PHF14: variants seen among roughly 807,000 people sequenced by gnomAD.
PHF14 encodes the protein PHD finger protein 14.
Under a neutral mutation model 117.9 loss-of-function variants are expected in PHF14, and 55 were observed. The observed-to-expected ratio is 0.47, with a 90% confidence interval of 0.38 to 0.58. PHF14 has a LOEUF of 0.58. PHF14 is among the 20% of genes least tolerant of loss of function. PHF14 has a pLI of 0.00. For missense variants in PHF14, 978 were observed against 1,122.2 expected, an observed-to-expected ratio of 0.87 and a Z score of 1.84; for synonymous variants, 409 against 368.6, an observed-to-expected ratio of 1.11 and a Z score of -1.26.
intron 6 of PHF14, 29 bp downstream of exon 6, chr7:11,023,008 GA>G: frequency 7.9e-7 from 1 of 1,267,244 alleles, no homozygotes. Flanking sequence ...TTGATTGCTT[GA>G]AAGAGAAAGG....
At chr7:11,141,893 T>C (rs879384936) in intron 17 of PHF14, among the ~76,000 whole-genome samples, 35 of 151,764 alleles carry the variant, frequency 2.3e-4, no homozygotes, top group Non-Finnish European at 3.4e-4. Flanking sequence ...CAATTGAAAA[T>C]ACTGCTTCTG....
chr7:11,076,453 T>C (rs1376978061), intron 16 of PHF14, among the ~76,000 whole-genome samples: 2 of 152,150 alleles, frequency 1.3e-5, no homozygotes, highest in Non-Finnish European at 2.9e-5. Context: ...CTGTCTGCTT[T>C]TTAACTTTAG....
intron 17 of PHF14, among the ~76,000 whole-genome samples, chr7:11,141,968 A>G (rs2128351293): frequency 6.6e-6 from 1 of 152,160 alleles, no homozygotes; most frequent in East Asian, 1.9e-4. Flanking sequence ...TACCTAGAAA[A>G]TTTCAAATGG....
At chr7:11,154,116 G>A (rs773936002) in intron 17 of PHF14, among the ~76,000 whole-genome samples, 1 of 152,066 alleles carries the variant, frequency 6.6e-6, no homozygotes, top group African/African-American at 2.4e-5. Context: ...ATTTAACCAG[G>A]TTATTTATAT....
intron 16 of PHF14, chr7:11,102,359 T>C: frequency 1.1e-6 from 1 of 933,474 alleles, no homozygotes; most frequent in Middle Eastern, 2.1e-4. Context: ...AGAGTATCTA[T>C]CTCTTTGGAC....
At chr7:11,030,345 T>C (rs1784080287) in intron 7 of PHF14, among the ~76,000 whole-genome samples, 1 of 152,072 alleles carries the variant, frequency 6.6e-6, no homozygotes, top group African/African-American at 2.4e-5. Flanking sequence ...TCTGGAAAAC[T>C]TTGAGCTTTG....
intron 3 of PHF14, among the ~76,000 whole-genome samples, chr7:10,988,171 T>G (rs558518789): frequency 6.6e-6 from 1 of 152,218 alleles, no homozygotes; most frequent in East Asian, 1.9e-4. Context: ...TTTCCCTCTT[T>G]GCGTTACATT....
chr7:11,071,699 A>C (rs1691615007), intron 16 of PHF14, among the ~76,000 whole-genome samples: 1 of 152,198 alleles, frequency 6.6e-6, no homozygotes, highest in African/African-American at 2.4e-5. Context: ...AGCGTCAGGC[A>C]ACCACTGCAA....
At position 11,069,856 on chromosome 7, in the gene PHF14, A is replaced by T. The variant is rs575684339; in HGVS notation, c.2654+7771A>T. 1.7e-3 allele frequency among the ~76,000 whole-genome samples: 248 copies of T among 144,076 alleles called. 3 individuals are homozygous for T. In the Middle Eastern group the frequency reaches 0.02, roughly 12 times the overall value. The allele number at this position is 144,076 out of a possible 152,430, so 94.5% of individuals were successfully genotyped here. A position where few individuals can be genotyped will look rare whatever the true frequency, so the allele number is the denominator to read the frequency against. ...TGCCCAGCTGTTCTATTATTTATTT[A>T]TTTATTTTTTTCTGGTAGAAGTATC... On this transcript the variant is annotated intron_variant, in intron 16 of 17. Transcript: ENST00000634607.
intron 2 of PHF14, among the ~76,000 whole-genome samples, chr7:10,978,167 T>G (rs1244634109): frequency 6.6e-6 from 1 of 152,198 alleles, no homozygotes; most frequent in Non-Finnish European, 1.5e-5. Context: ...AATCTGACTT[T>G]GAATAAGTGG....
intron 4 of PHF14, among the ~76,000 whole-genome samples, chr7:10,999,819 C>A (rs1367155725): frequency 6.6e-6 from 1 of 152,202 alleles, no homozygotes; most frequent in African/African-American, 2.4e-5. Flanking sequence ...CCAATTAAGT[C>A]AACAGGATGT....
chr7:11,003,340 G>C (rs936689839), intron 4 of PHF14, among the ~76,000 whole-genome samples: 38 of 152,254 alleles, frequency 2.5e-4, no homozygotes, highest in Admixed American at 1.2e-3. Context: ...GTGTTTGGGG[G>C]CTTTCATATA....
intron 17 of PHF14, among the ~76,000 whole-genome samples, chr7:11,133,179 T>A (rs1211604493): frequency 6.6e-6 from 1 of 151,940 alleles, no homozygotes; most frequent in Non-Finnish European, 1.5e-5. Context: ...CTCAGCAAGT[T>A]ATTTTGTGGA....
intron 14 of PHF14, among the ~76,000 whole-genome samples, chr7:11,055,880 A>G (rs1322599025): frequency 6.6e-6 from 1 of 152,176 alleles, no homozygotes; most frequent in Admixed American, 6.5e-5. Context: ...AAGCATTTGG[A>G]TTCAGTTCTA....
chr7:11,085,720 G>A (rs12112733), intron 16 of PHF14, among the ~76,000 whole-genome samples: 2,991 of 151,840 alleles, frequency 0.02, 41 homozygotes, highest in Middle Eastern at 0.045. Context: ...GTGTGTGCCT[G>A]GCTAATTTTT....
intron 17 of PHF14, among the ~76,000 whole-genome samples, chr7:11,160,037 G>C (rs905566074): frequency 1.1e-4 from 17 of 152,092 alleles, no homozygotes; most frequent in Non-Finnish European, 1.8e-4. Context: ...CTAGTACCCA[G>C]TAGTTAGTTT....
At chr7:11,103,048 A>G (rs1787143332) in intron 16 of PHF14, 1 of 985,942 alleles carries the variant, frequency 1.0e-6, no homozygotes, top group Middle Eastern at 5.2e-4. Flanking sequence ...TCATACATAG[A>G]TTCATATATG....
intron 7 of PHF14, among the ~76,000 whole-genome samples, chr7:11,031,057 A>T (rs1183093194): frequency 1.3e-5 from 2 of 152,186 alleles, no homozygotes; most frequent in East Asian, 3.8e-4. Context: ...ATTTTAAACT[A>T]AAATAGATCT....
At chr7:10,990,412 C>A (rs1160601320) in intron 3 of PHF14, among the ~76,000 whole-genome samples, 1 of 152,054 alleles carries the variant, frequency 6.6e-6, no homozygotes, top group Non-Finnish European at 1.5e-5. Flanking sequence ...CAAAGCAGAT[C>A]AACAGTAGTT....
Sources: gnomAD v4.1 joint callset for allele counts (sites outside exome capture counted in the v4.1 genomes callset) on GRCh38, gnomAD v4.1.1 for gene constraint, MANE v1.5 for transcripts, NCBI Gene and HGNC (gene_info 2026-07-23, HGNC 2026-07-21) for gene names.